Variants in PTPRD observed in about 807,000 individuals in gnomAD.
PTPRD encodes protein tyrosine phosphatase receptor type D, also known as receptor-type tyrosine-protein phosphatase delta.
In PTPRD, 34 loss-of-function variants were observed where a neutral mutation model predicts 214.5. The ratio of observed to expected loss-of-function variants is 0.16; its 90% CI spans 0.12 to 0.21. PTPRD has a LOEUF of 0.21. Among genes scored for constraint, PTPRD ranks in the 10% least tolerant of loss-of-function variants. The pLI is 1.00. For synonymous variants in PTPRD, 1,128 were observed against 845.7 expected (o/e 1.33, Z -5.79); for missense variants, 2,545 against 2,398.7 (o/e 1.06, Z -1.27).
chr9:8,589,127 G>C (rs908705936), intron 14 of PTPRD, among the ~76,000 whole-genome samples: 20 of 152,114 alleles, frequency 1.3e-4, no homozygotes, highest in African/African-American at 4.8e-4. Context: ...CTAGCGCAAA[G>C]GAAAATGTTG....
At chr9:8,540,547 AT>A (rs1003839407) in intron 14 of PTPRD, among the ~76,000 whole-genome samples, 3 of 152,188 alleles carry the variant, frequency 2.0e-5, no homozygotes, top group African/African-American at 7.2e-5. Context: ...TATTATTTTT[AT>A]TTAGAGAAAT....
chr9:9,043,148 C>T (rs2099647892), intron 10 of PTPRD, among the ~76,000 whole-genome samples: 1 of 152,154 alleles, frequency 6.6e-6, no homozygotes, highest in Admixed American at 6.5e-5. Flanking sequence ...CTGTGGCTCA[C>T]AACAAAGATA....
chr9:9,354,303 T>C (rs1547287), intron 9 of PTPRD, among the ~76,000 whole-genome samples: 46,785 of 151,618 alleles, frequency 0.31, 11,098 homozygotes, highest in African/African-American at 0.66. Context: ...GGGGGCTATT[T>C]TAGAATTCTT....
At chr9:8,410,846 T>G (rs1403477700) in intron 35 of PTPRD, among the ~76,000 whole-genome samples, 1 of 152,164 alleles carries the variant, frequency 6.6e-6, no homozygotes, top group Non-Finnish European at 1.5e-5. Context: ...TATATATTAT[T>G]AGAACTGACA....
intron 37 of PTPRD, among the ~76,000 whole-genome samples, chr9:8,378,435 T>A (rs965125477): frequency 2.0e-5 from 3 of 150,834 alleles, no homozygotes; most frequent in Non-Finnish European, 3.0e-5. Context: ...AAAAAAAAAA[T>A]TAACAAAAAT....
chr9:8,671,993 T>C (rs2097297664), intron 12 of PTPRD, among the ~76,000 whole-genome samples: 1 of 152,204 alleles, frequency 6.6e-6, no homozygotes, highest in East Asian at 1.9e-4. Flanking sequence ...CCATAAACAT[T>C]CATGGGTACA....
At chr9:9,455,586 A>C (rs2092875979) in intron 8 of PTPRD, among the ~76,000 whole-genome samples, 1 of 151,612 alleles carries the variant, frequency 6.6e-6, no homozygotes, top group Non-Finnish European at 1.5e-5. Context: ...ATCATTACTC[A>C]GCTGTGTTAA....
At chr9:8,658,068 C>G (rs369857576) in intron 12 of PTPRD, among the ~76,000 whole-genome samples, 2 of 152,018 alleles carry the variant, frequency 1.3e-5, no homozygotes, top group Non-Finnish European at 2.9e-5. Flanking sequence ...TATCTCTCCC[C>G]GAAATAACTG....
intron 5 of PTPRD, among the ~76,000 whole-genome samples, chr9:9,933,989 A>C (rs546184600): frequency 6.8e-6 from 1 of 147,422 alleles, no homozygotes; most frequent in Admixed American, 6.7e-5. Flanking sequence ...CTGGGTACAT[A>C]ATGAAATGAA....
In PTPRD at chr9:10,254,699, T is replaced by C. The variant is rs150300909; in HGVS notation, c.-545+86264A>G. On this transcript the variant is annotated intron_variant, in intron 3 of 45. Coordinates refer to ENST00000381196, the MANE Select transcript of PTPRD (RefSeq NM_002839.4). ...ACTGCCAGATGTGGGAAGGAAAGAATGAGATTAGAGGATATCCTTCTAAAC... is the reference window on the plus strand; with the variant it reads ...ACTGCCAGATGTGGGAAGGAAAGAACGAGATTAGAGGATATCCTTCTAAAC... Among the ~76,000 whole-genome samples, 251 of 152,296 alleles carry C rather than the reference T, an allele frequency of 1.6e-3. 1 individual carries two copies. The highest frequency in any genetic ancestry group is 5.4e-3 in the African/African-American group (224 of 41,572).
intron 7 of PTPRD, among the ~76,000 whole-genome samples, chr9:9,657,048 C>T (rs1185398101): frequency 6.6e-6 from 1 of 152,018 alleles, no homozygotes; most frequent in Non-Finnish European, 1.5e-5. Flanking sequence ...ATAACAACCA[C>T]TTGAATAGTT....
intron 3 of PTPRD, among the ~76,000 whole-genome samples, chr9:10,089,190 A>G (rs957237017): frequency 7.5e-6 from 1 of 133,298 alleles, no homozygotes; most frequent in African/African-American, 2.8e-5. Flanking sequence ...TGGGTGACAG[A>G]ATGAGAATCA....
chr9:8,848,326 T>C lies in PTPRD; in HGVS notation c.-103-114380A>G, dbSNP rs1223092955. On this transcript the variant is annotated intron_variant, in intron 11 of 45. Coordinates refer to ENST00000381196, the MANE Select transcript of PTPRD (RefSeq NM_002839.4). ...TTAAGATTTTTCCTTTTTTTTTTTT[T>C]TTTTTTTTTTTTAGTTTTTTGCTTT... is the stretch of plus-strand genomic sequence containing the variant. Among the ~76,000 whole-genome samples the C allele has an allele frequency of 2.7e-5, 4 of 150,198 alleles. No homozygotes were observed. In the East Asian group the frequency reaches 5.9e-4, roughly 22 times the overall value.
chr9:9,393,502 C>G (rs964599237), intron 9 of PTPRD, among the ~76,000 whole-genome samples: 4 of 152,102 alleles, frequency 2.6e-5, no homozygotes, highest in Non-Finnish European at 5.9e-5. Flanking sequence ...AATCTCTTAG[C>G]TGAATATAGT....
chr9:9,982,603 G>T (rs114466130), intron 4 of PTPRD, among the ~76,000 whole-genome samples: 1 of 151,724 alleles, frequency 6.6e-6, no homozygotes, highest in African/African-American at 2.4e-5. Context: ...TCTTCCCTCA[G>T]GATAAGAATC....
chr9:9,882,290 C>G (rs553674931), intron 5 of PTPRD, among the ~76,000 whole-genome samples: 2 of 152,038 alleles, frequency 1.3e-5, no homozygotes, highest in South Asian at 2.1e-4. Context: ...TAGAGGTTCA[C>G]TAAGCACTGA....
chr9:10,470,003 AG>A (rs2099019812), intron 2 of PTPRD, among the ~76,000 whole-genome samples: 9 of 151,804 alleles, frequency 5.9e-5, no homozygotes, highest in Admixed American at 5.9e-4. Flanking sequence ...GAGGCTGGGT[AG>A]GGTATTTGGG....
At position 10,603,039 on chromosome 9, in the gene PTPRD, T is replaced by C. The variant is rs192114906; in HGVS notation, c.-600+9359A>G. Among the ~76,000 whole-genome samples, 1,443 of 151,854 alleles carry C rather than the reference T, an allele frequency of 9.5e-3. 9 individuals carry two copies. Among genetic ancestry groups the C allele is most frequent in the Non-Finnish European group, 0.017 (1,138 of 67,822 alleles). On this transcript the variant is annotated intron_variant, in intron 2 of 45. Transcript: ENST00000381196. ...TGGCTTTTGGTCATGGATTATCAAG[T>C]ACAACAAGGTGTTTAAGGAGCTGAT...
rs545972428 is a variant in PTPRD, at chr9:9,581,906, A to C, written c.-286-7125T>G. ...TATTTACCAGCCACTACTATACTAT[A>C]ATGTGAGGTTAAAGTCACAAATAAG... On this transcript the variant is annotated intron_variant, in intron 7 of 45. Transcript: ENST00000381196. Among the ~76,000 whole-genome samples, 313 of 152,290 alleles carry C rather than the reference A, an allele frequency of 2.1e-3. 1 individual carries two copies. Among genetic ancestry groups the C allele is most frequent in the African/African-American group, 6.8e-3 (281 of 41,578 alleles).
Sources: gnomAD v4.1 joint callset for allele counts (sites outside exome capture counted in the v4.1 genomes callset) on GRCh38, gnomAD v4.1.1 for gene constraint, MANE v1.5 for transcripts, NCBI Gene and HGNC (gene_info 2026-07-23, HGNC 2026-07-21) for gene names.